Variants in GABRB3 observed in about 807,000 individuals in gnomAD.
The protein encoded by GABRB3 is gamma-aminobutyric acid receptor subunit beta-3.
In GABRB3, 14 loss-of-function variants were observed where a neutral mutation model predicts 52.1. The observed-to-expected ratio is 0.27, with a 90% CI of 0.18 to 0.42. The LOEUF (loss-of-function observed/expected upper bound fraction) is 0.42, where lower values mean the gene tolerates loss of function less well. GABRB3 is among the 10% of genes least tolerant of loss of function. GABRB3 has a pLI of 1.00. For missense variants in GABRB3, 307 were observed against 609.1 expected, an observed-to-expected ratio of 0.50 and a Z score of 5.22; for synonymous variants, 260 against 232.3, an observed-to-expected ratio of 1.12 and a Z score of -1.08.
At chr15:26,582,965 G>A (rs372618739) in intron 5 of GABRB3, among the ~76,000 whole-genome samples, 64 of 152,182 alleles carry the variant, frequency 4.2e-4, no homozygotes, top group African/African-American at 1.3e-3. Flanking sequence ...TTGTCAAGCC[G>A]AGTTCCTGAT....
At chr15:26,717,492 A>G (rs1889528160) in intron 3 of GABRB3, among the ~76,000 whole-genome samples, 1 of 152,210 alleles carries the variant, frequency 6.6e-6, no homozygotes, top group Admixed American at 6.5e-5. Context: ...ACCCATCACC[A>G]AAACAGTAAC....
At chr15:26,695,624 G>A (rs1406121462) in intron 3 of GABRB3, among the ~76,000 whole-genome samples, 2 of 151,992 alleles carry the variant, frequency 1.3e-5, no homozygotes, top group Non-Finnish European at 2.9e-5. Context: ...ATTTACATAG[G>A]TCAGGAACTC....
At chr15:26,685,356 G>C (rs1462823489) in intron 3 of GABRB3, among the ~76,000 whole-genome samples, 1 of 152,214 alleles carries the variant, frequency 6.6e-6, no homozygotes, top group Non-Finnish European at 1.5e-5. Flanking sequence ...GGATGGAGCT[G>C]ATGATACAGG....
chr15:26,572,148 A>G (rs1041205541), intron 6 of GABRB3, among the ~76,000 whole-genome samples: 1 of 152,184 alleles, frequency 6.6e-6, no homozygotes, highest in African/African-American at 2.4e-5. Context: ...AGGTGGAAAC[A>G]GTAAGTGGGG....
intron 4 of GABRB3, among the ~76,000 whole-genome samples, chr15:26,585,205 A>T (rs1890936590): frequency 6.6e-6 from 1 of 152,158 alleles, no homozygotes; most frequent in African/African-American, 2.4e-5. Flanking sequence ...AGTCCTGGCT[A>T]TGCCCATTCA....
intron 3 of GABRB3, among the ~76,000 whole-genome samples, chr15:26,651,134 C>G (rs947198066): frequency 6.6e-5 from 10 of 152,228 alleles, no homozygotes; most frequent in Non-Finnish European, 1.3e-4. Context: ...AAGGGGCCAA[C>G]TGAGCTGCTA....
chr15:26,653,657 T>C (rs1887270261), intron 3 of GABRB3, among the ~76,000 whole-genome samples: 1 of 152,226 alleles, frequency 6.6e-6, no homozygotes, highest in Non-Finnish European at 1.5e-5. Context: ...CTTGATATAT[T>C]GGCTGTATCT....
intron 4 of GABRB3, among the ~76,000 whole-genome samples, chr15:26,601,058 G>A (rs547069215): frequency 1.3e-5 from 2 of 152,206 alleles, no homozygotes; most frequent in East Asian, 3.9e-4. Context: ...GATGCTGTAA[G>A]TATAAGATGT....
intron 3 of GABRB3, among the ~76,000 whole-genome samples, chr15:26,660,308 A>C (rs552038291): frequency 2.6e-4 from 39 of 152,258 alleles, no homozygotes; most frequent in African/African-American, 8.7e-4. Flanking sequence ...GTTGATTAGG[A>C]GAAATATGGC....
chr15:26,746,450 T>A (rs1890341492), intron 3 of GABRB3, among the ~76,000 whole-genome samples: 1 of 152,208 alleles, frequency 6.6e-6, no homozygotes, highest in South Asian at 2.1e-4. Context: ...TGAGGTTCAG[T>A]CTACCAATTT....
chr15:26,746,805 G>A (rs1381983051), intron 3 of GABRB3, among the ~76,000 whole-genome samples: 3 of 152,016 alleles, frequency 2.0e-5, no homozygotes, highest in African/African-American at 7.2e-5. Context: ...GGCTAACACG[G>A]TGAAACCCCA....
At chr15:26,597,035 C>T (rs1241227488) in intron 4 of GABRB3, among the ~76,000 whole-genome samples, 2 of 152,066 alleles carry the variant, frequency 1.3e-5, no homozygotes, top group Non-Finnish European at 2.9e-5. Context: ...TCTTATAAAG[C>T]CACCAGTTCC....
chr15:26,679,664 C>G (rs1002180590), intron 3 of GABRB3, among the ~76,000 whole-genome samples: 1 of 152,002 alleles, frequency 6.6e-6, no homozygotes, highest in East Asian at 1.9e-4. Context: ...AGAAACAGTT[C>G]CCTCCACAAA....
In GABRB3 at chr15:26,635,678, C is replaced by T. The variant is rs549076450; in HGVS notation, c.241-14144G>A. 4.1e-4 allele frequency among the ~76,000 whole-genome samples: 62 copies of T among 152,064 alleles called. 3 individuals carry two copies. The South Asian group carries it at 0.01, about 25-fold the overall frequency. On this transcript the variant is annotated intron_variant, in intron 3 of 8. Coordinates refer to ENST00000311550, the MANE Select transcript of GABRB3 (RefSeq NM_000814.6). ...AGAATGAGTATTTCTGTCTTAAGAC[C>T]GCTCCCATACCCTTACACTGTGAAA...
At chr15:26,711,403 G>A (rs926548913) in intron 3 of GABRB3, among the ~76,000 whole-genome samples, 9 of 152,168 alleles carry the variant, frequency 5.9e-5, no homozygotes, top group African/African-American at 2.2e-4. Flanking sequence ...ATGATAATTT[G>A]TGGATCTCAC....
chr15:26,634,803 A>G (rs1893001279), intron 3 of GABRB3, among the ~76,000 whole-genome samples: 1 of 151,132 alleles, frequency 6.6e-6, no homozygotes, highest in African/African-American at 2.4e-5. Flanking sequence ...TATCTGAACA[A>G]TACTCACTAA....
intron 4 of GABRB3, among the ~76,000 whole-genome samples, chr15:26,605,157 A>G (rs186843150): frequency 5.3e-5 from 8 of 152,312 alleles, no homozygotes; most frequent in Admixed American, 5.2e-4. Flanking sequence ...AGGTATACAA[A>G]AGGAATCTCA....
At chr15:26,762,651 T>C (rs1890851865) in intron 3 of GABRB3, among the ~76,000 whole-genome samples, 1 of 152,230 alleles carries the variant, frequency 6.6e-6, no homozygotes, top group Admixed American at 6.5e-5. Context: ...CTATTTTATG[T>C]GTTGGCCATA....
chr15:26,695,993 T>C (rs1033308111), intron 3 of GABRB3, among the ~76,000 whole-genome samples: 8 of 152,228 alleles, frequency 5.3e-5, no homozygotes, highest in Admixed American at 2.0e-4. Context: ...AATTAGTAAG[T>C]AAATTCTACA....
Sources: gnomAD v4.1 joint callset for allele counts (sites outside exome capture counted in the v4.1 genomes callset) on GRCh38, gnomAD v4.1.1 for gene constraint, MANE v1.5 for transcripts, NCBI Gene and HGNC (gene_info 2026-07-23, HGNC 2026-07-21) for gene names.